Variants in AKAP6 observed in about 807,000 individuals in gnomAD.
AKAP6 encodes the protein A-kinase anchoring protein 6.
Under a neutral mutation model 188.5 loss-of-function variants are expected in AKAP6, and 58 were observed. That is an observed-to-expected ratio of 0.31 (90% CI 0.25 to 0.38). The LOEUF (loss-of-function observed/expected upper bound fraction) is 0.38. AKAP6 is among the 10% of genes least tolerant of loss of function. The probability of loss-of-function intolerance (pLI) is 1.00; values close to 1 mark genes in which losing one functional copy is unlikely to be tolerated. For missense variants in AKAP6, 2,710 were observed against 2,740.0 expected (o/e 0.99, Z 0.24); for synonymous variants, 989 against 998.6 (o/e 0.99, Z 0.18).
intron 9 of AKAP6, among the ~76,000 whole-genome samples, chr14:32,713,026 G>A (rs987451293): frequency 2.6e-5 from 4 of 152,036 alleles, no homozygotes; most frequent in Admixed American, 6.6e-5. Flanking sequence ...CAACTTGAAA[G>A]TCAAGATTAC....
At chr14:32,683,947 G>T (rs1889800861) in intron 8 of AKAP6, among the ~76,000 whole-genome samples, 1 of 152,232 alleles carries the variant, frequency 6.6e-6, no homozygotes, top group South Asian at 2.1e-4. Flanking sequence ...TTACTGGGTA[G>T]ATGGGGTTGT....
intron 7 of AKAP6, among the ~76,000 whole-genome samples, chr14:32,615,068 C>T (rs569342073): frequency 4.1e-5 from 6 of 147,184 alleles, no homozygotes; most frequent in Non-Finnish European, 5.9e-5. Flanking sequence ...ACTTGGGAGG[C>T]TGAGGCAGGA....
At chr14:32,622,866 T>C (rs759885622) in intron 7 of AKAP6, among the ~76,000 whole-genome samples, 2 of 152,086 alleles carry the variant, frequency 1.3e-5, no homozygotes, top group Non-Finnish European at 2.9e-5. Flanking sequence ...AGACTGAGTT[T>C]ACAACAGGAA....
chr14:32,778,320 A>T (rs535382562), intron 12 of AKAP6, among the ~76,000 whole-genome samples: 1 of 152,268 alleles, frequency 6.6e-6, no homozygotes, highest in Admixed American at 6.5e-5. Flanking sequence ...AAATCTCTTT[A>T]AGTGGTAATA....
chr14:32,487,142 C>T (rs1303465352), intron 2 of AKAP6, among the ~76,000 whole-genome samples: 1 of 152,156 alleles, frequency 6.6e-6, no homozygotes, highest in East Asian at 1.9e-4. Flanking sequence ...TATGTTGAAC[C>T]AGCTTTGCAT....
Position 32,822,382 on chromosome 14 carries a change from TC to T in AKAP6, c.4573del (p.His1525MetfsTer22). 1 of 1,613,938 alleles carries T rather than the reference TC, an allele frequency of 6.2e-7. No individual in the cohort carries two copies. Among genetic ancestry groups the T allele is most frequent in the Non-Finnish European group, 8.5e-7 (1 of 1,179,926 alleles). On this transcript the variant is annotated frameshift_variant, in exon 13 of 14. Coordinates refer to ENST00000280979, the MANE Select transcript of AKAP6 (RefSeq NM_004274.5). LOFTEE classifies it high-confidence loss of function. ...QTTELQPDVP[P>X]HERILASASH... ...CTACAGAGTTACAACCAGATGTACCTCCCCATGAAAGGATTTTGGCAAGTGC... is the reference window on the plus strand; with the variant it reads ...CTACAGAGTTACAACCAGATGTACCTCCCATGAAAGGATTTTGGCAAGTGC...
rs1393476205 is a variant in AKAP6 at position 32,837,397 on chromosome 14, G to A, written c.*7592G>A. 1 of 152,096 alleles carries A rather than the reference G, an allele frequency of 6.6e-6. No homozygotes were observed. The highest frequency in any genetic ancestry group is 2.4e-5 in the African/African-American group (1 of 41,424). The allele number at this position is 152,096 out of a possible 1,614,324, so 9.4% of individuals were successfully genotyped here. A position where few individuals can be genotyped will look rare whatever the true frequency, so the allele number is the denominator to read the frequency against. ...ATATTATTCAGTGAAATTTATTCAAGGACTTAAAATGATTGAAGGCATTAG... is the reference window on the plus strand; with the variant it reads ...ATATTATTCAGTGAAATTTATTCAAAGACTTAAAATGATTGAAGGCATTAG... On this transcript the variant is annotated 3_prime_UTR_variant, in exon 14 of 14. Coordinates refer to ENST00000280979, the MANE Select transcript of AKAP6 (RefSeq NM_004274.5).
At chr14:32,467,616 G>A (rs11627728) in intron 2 of AKAP6, among the ~76,000 whole-genome samples, 15,218 of 151,764 alleles carry the variant, frequency 0.1, 879 homozygotes, top group South Asian at 0.21. Context: ...CTGGATCCTC[G>A]GACACTATCT....
chr14:32,716,317 C>A (rs1315562964), intron 9 of AKAP6, among the ~76,000 whole-genome samples: 1 of 151,618 alleles, frequency 6.6e-6, no homozygotes, highest in Non-Finnish European at 1.5e-5. Flanking sequence ...CTCCTCCCTT[C>A]ATTAAGAGTC....
chr14:32,741,079 C>T (rs562032744), intron 11 of AKAP6, among the ~76,000 whole-genome samples: 150 of 140,836 alleles, frequency 1.1e-3, no homozygotes, highest in African/African-American at 3.9e-3. Flanking sequence ...TTATTTTAAT[C>T]ATAGAGATTT....
At chr14:32,580,247 C>T (rs1439638912) in intron 5 of AKAP6, among the ~76,000 whole-genome samples, 1 of 151,898 alleles carries the variant, frequency 6.6e-6, no homozygotes, top group East Asian at 1.9e-4. Flanking sequence ...AATGATTTTC[C>T]ATGATAATTA....
At chr14:32,745,569 A>C (rs2031872563) in intron 11 of AKAP6, among the ~76,000 whole-genome samples, 1 of 151,920 alleles carries the variant, frequency 6.6e-6, no homozygotes, top group East Asian at 1.9e-4. Context: ...GTGGAGTGAC[A>C]CAAGCATCCC....
chr14:32,544,451 C>A (rs74041632), intron 3 of AKAP6, among the ~76,000 whole-genome samples: 2 of 152,080 alleles, frequency 1.3e-5, no homozygotes, highest in Non-Finnish European at 2.9e-5. Flanking sequence ...AATCGTAATG[C>A]TGTTTTTTTA....
chr14:32,750,197 G>A (rs1308819428), intron 11 of AKAP6, among the ~76,000 whole-genome samples: 1 of 152,026 alleles, frequency 6.6e-6, no homozygotes, highest in Admixed American at 6.6e-5. Context: ...GAATTGGAAG[G>A]ATTTTTTTTA....
intron 2 of AKAP6, among the ~76,000 whole-genome samples, chr14:32,518,827 T>G (rs1881662744): frequency 6.6e-6 from 1 of 152,086 alleles, no homozygotes; most frequent in Non-Finnish European, 1.5e-5. Context: ...AACATTCAAA[T>G]TCAGGAAATA....
At chr14:32,616,599 G>A (rs1886591248) in intron 7 of AKAP6, among the ~76,000 whole-genome samples, 1 of 152,114 alleles carries the variant, frequency 6.6e-6, no homozygotes, top group African/African-American at 2.4e-5. Context: ...GCCTTTTGGA[G>A]GGTGGAGGGT....
intron 2 of AKAP6, among the ~76,000 whole-genome samples, chr14:32,456,142 A>G (rs1566513404): frequency 6.6e-6 from 1 of 152,216 alleles, no homozygotes; most frequent in Non-Finnish European, 1.5e-5. Flanking sequence ...ATAGTTGATT[A>G]TAAAGCAGAA....
At chr14:32,738,943 G>T (rs985876840) in intron 11 of AKAP6, among the ~76,000 whole-genome samples, 1 of 152,100 alleles carries the variant, frequency 6.6e-6, no homozygotes, top group Non-Finnish European at 1.5e-5. Context: ...AGGGCAGTGG[G>T]CTTGATTTGA....
intron 12 of AKAP6, among the ~76,000 whole-genome samples, chr14:32,806,752 A>G (rs755168002): frequency 4.6e-5 from 7 of 152,238 alleles, no homozygotes; most frequent in Non-Finnish European, 8.8e-5. Flanking sequence ...ATGTGATTCT[A>G]TCTCTAATGC....
Sources: gnomAD v4.1 joint callset for allele counts (sites outside exome capture counted in the v4.1 genomes callset) on GRCh38, gnomAD v4.1.1 for gene constraint, MANE v1.5 for transcripts, NCBI Gene and HGNC (gene_info 2026-07-23, HGNC 2026-07-21) for gene names.